CHIC2: variants seen among roughly 807,000 people sequenced by gnomAD.
CHIC2 encodes cysteine rich hydrophobic domain 2, also known as cysteine-rich hydrophobic domain-containing protein 2.
In CHIC2, 14 loss-of-function variants were observed where a neutral mutation model predicts 25.9. The ratio of observed to expected loss-of-function variants is 0.54; its 90% CI spans 0.36 to 0.85. The LOEUF is 0.85. Among genes scored for constraint, CHIC2 ranks in the 40% least tolerant of loss-of-function variants. The probability of loss-of-function intolerance (pLI) is 0.01; values close to 1 mark genes in which losing one functional copy is unlikely to be tolerated. For missense variants in CHIC2, 146 were observed against 202.0 expected (o/e 0.72, Z 1.68); for synonymous variants, 70 against 72.0 (o/e 0.97, Z 0.14).
chr4:54,015,686 A>G (rs1715717146), intron 3 of CHIC2, among the ~76,000 whole-genome samples: 2 of 152,206 alleles, frequency 1.3e-5, no homozygotes, highest in African/African-American at 4.8e-5. Context: ...GTAAATCTGT[A>G]CTAGGTCTTT....
intron 1 of CHIC2, among the ~76,000 whole-genome samples, chr4:54,053,922 C>T (rs1577985313): frequency 6.6e-6 from 1 of 152,194 alleles, no homozygotes; most frequent in Non-Finnish European, 1.5e-5. Context: ...TCCCAAGTAC[C>T]TGGGATTACA....
At chr4:54,021,004 G>A (rs900401410) in intron 3 of CHIC2, among the ~76,000 whole-genome samples, 20 of 151,960 alleles carry the variant, frequency 1.3e-4, no homozygotes, top group Non-Finnish European at 1.0e-4. Flanking sequence ...CCACCACCCC[G>A]CTTCTCCGTG....
chr4:54,041,815 A>C (rs1274176673), intron 3 of CHIC2, among the ~76,000 whole-genome samples: 1 of 152,106 alleles, frequency 6.6e-6, no homozygotes, highest in Non-Finnish European at 1.5e-5. Flanking sequence ...TAAAACGTTA[A>C]AAATCCCTGC....
chr4:54,044,033 A>C (rs1716683881), intron 3 of CHIC2, among the ~76,000 whole-genome samples: 1 of 152,212 alleles, frequency 6.6e-6, no homozygotes, highest in Admixed American at 6.5e-5. Context: ...ACTTTAAACC[A>C]ACAAAGATCA....
At chr4:54,023,185 G>C (rs944370656) in intron 3 of CHIC2, among the ~76,000 whole-genome samples, 1 of 152,054 alleles carries the variant, frequency 6.6e-6, no homozygotes, top group Non-Finnish European at 1.5e-5. Flanking sequence ...CAAAGTACTG[G>C]GCTCTGCGGT....
In CHIC2 at chr4:54,062,159, A is replaced by C. The variant is rs114368704; in HGVS notation, c.119+2023T>G. 8.7e-3 allele frequency among the ~76,000 whole-genome samples: 1,320 copies of C among 152,272 alleles called. 21 individuals are homozygous for C. The highest frequency in any genetic ancestry group is 0.03 in the African/African-American group (1,246 of 41,564). ...CCAGGAAGTAGCTGAGATAGATTTT[A>C]ACCCAGAGCCTAGAACCAAGATAAA... On this transcript the variant is annotated intron_variant, in intron 1 of 5. Transcript: ENST00000263921.
At chr4:54,076,186 G>A in the CHIC2 span, among the ~76,000 whole-genome samples, 1 of 151,950 alleles carries the variant, frequency 6.6e-6, no homozygotes, top group East Asian at 1.9e-4. Flanking sequence ...TTATTTGGGG[G>A]GCTCAGGCAG....
chr4:54,047,686 T>C (rs1032148336), intron 3 of CHIC2, among the ~76,000 whole-genome samples: 11 of 149,724 alleles, frequency 7.3e-5, no homozygotes, highest in African/African-American at 2.7e-4. Flanking sequence ...CATTAGGAGA[T>C]ATACCTAATG....
At chr4:54,087,336 T>A in the CHIC2 span, 3 of 566,166 alleles carry the variant, frequency 5.3e-6, no homozygotes, top group Admixed American at 8.8e-5. Context: ...GACTGGAACT[T>A]AGTTACCAAG....
intron 5 of CHIC2, among the ~76,000 whole-genome samples, chr4:54,010,713 C>A (rs1342978330): frequency 6.6e-6 from 1 of 152,074 alleles, no homozygotes; most frequent in Non-Finnish European, 1.5e-5. Flanking sequence ...TACCACCCTA[C>A]GTGACTGCAG....
At chr4:54,014,003 T>C (rs996502464) in intron 4 of CHIC2, 60 bp downstream of exon 4, 5 of 1,599,898 alleles carry the variant, frequency 3.1e-6, no homozygotes, top group Non-Finnish European at 2.6e-6. Flanking sequence ...CAAAAGCATC[T>C]GTTTCCATAC....
At chr4:54,045,408 C>A (rs1291997856) in intron 3 of CHIC2, among the ~76,000 whole-genome samples, 1 of 152,178 alleles carries the variant, frequency 6.6e-6, no homozygotes, top group African/African-American at 2.4e-5. Flanking sequence ...CAATAAAATA[C>A]TGGCAAACCA....
At chr4:54,068,807 A>T (rs980851583), upstream of CHIC2, among the ~76,000 whole-genome samples, 2 of 152,196 alleles carry the variant, frequency 1.3e-5, no homozygotes, top group African/African-American at 4.8e-5. Context: ...TTGAGGGCTC[A>T]GTCCGCAAGA....
At chr4:54,065,675 C>A (rs1470657002), upstream of CHIC2, among the ~76,000 whole-genome samples, 1 of 152,110 alleles carries the variant, frequency 6.6e-6, no homozygotes, top group African/African-American at 2.4e-5. Flanking sequence ...AGAAGAGAGT[C>A]CTGGACAGTG....
At chr4:54,053,845 C>T (rs186317177) in intron 1 of CHIC2, among the ~76,000 whole-genome samples, 44 of 152,134 alleles carry the variant, frequency 2.9e-4, no homozygotes, top group Non-Finnish European at 4.7e-4. Context: ...GGCTGGAGTG[C>T]GGTGGCGTGG....
intron 3 of CHIC2, among the ~76,000 whole-genome samples, chr4:54,026,604 A>C (rs898167058): frequency 1.6e-4 from 25 of 152,350 alleles, no homozygotes; most frequent in African/African-American, 6.0e-4. Context: ...AGATGAATAA[A>C]GGAATGGCCC....
Position 54,009,953 on chromosome 4 carries a change from T to TAA in CHIC2, c.*141_*142insTT. ...ATGCACACTTAGAACATGCGGTTAT[T>TAA]TAAAAAAAAAACAAAAACAAAAACA... On this transcript the variant is annotated 3_prime_UTR_variant, in exon 6 of 6. Coordinates refer to ENST00000263921, the MANE Select transcript of CHIC2 (RefSeq NM_012110.4). 5.8e-6 allele frequency: 3 copies of TAA among 517,380 alleles called. No individual in the cohort carries two copies. The highest frequency in any genetic ancestry group is 3.2e-5 in the South Asian group (1 of 30,996). The allele number at this position is 517,380 out of a possible 1,614,324, so 32.0% of individuals were successfully genotyped here. A position where few individuals can be genotyped will look rare whatever the true frequency, so the allele number is the denominator to read the frequency against.
At chr4:54,043,725 C>G (rs1469841212) in intron 3 of CHIC2, among the ~76,000 whole-genome samples, 1 of 152,162 alleles carries the variant, frequency 6.6e-6, no homozygotes, top group African/African-American at 2.4e-5. Context: ...ACCATCAAAG[C>G]TAGGAAGAAA....
chr4:54,087,152 A>G, the CHIC2 span: 5 of 782,996 alleles, frequency 6.4e-6, no homozygotes, highest in East Asian at 1.3e-4. Context: ...GACCAGAAAG[A>G]ACAAACAGAG....
Sources: allele counts gnomAD v4.1 joint callset (sites outside exome capture counted in the v4.1 genomes callset), GRCh38; gene constraint gnomAD v4.1.1; transcripts MANE v1.5; gene names NCBI Gene and HGNC (gene_info 2026-07-23, HGNC 2026-07-21).